HSDL2: variants seen among roughly 807,000 people sequenced by gnomAD.
HSDL2 encodes the protein hydroxysteroid dehydrogenase-like protein 2.
A neutral mutation model predicts 46.3 loss-of-function variants in HSDL2; 27 were observed. The observed-to-expected ratio is 0.58, with a 90% CI of 0.43 to 0.80. The LOEUF (loss-of-function observed/expected upper bound fraction) is 0.80. Ranked by LOEUF, HSDL2 falls within the 30% of genes least tolerant of loss-of-function variation. The pLI, the probability that HSDL2 is intolerant of heterozygous loss-of-function variation, is 0.00. For missense variants in HSDL2, 451 were observed against 502.7 expected (o/e 0.90, Z 0.98); for synonymous variants, 153 against 163.6 (o/e 0.94, Z 0.50).
At chr9:112,440,543 A>T (rs553710666) in intron 7 of HSDL2, among the ~76,000 whole-genome samples, 1 of 152,336 alleles carries the variant, frequency 6.6e-6, no homozygotes, top group African/African-American at 2.4e-5. Flanking sequence ...TAAAACAGTT[A>T]ACCTATTTGC....
At chr9:112,408,200 A>G (rs1057506758) in intron 3 of HSDL2, among the ~76,000 whole-genome samples, 2 of 152,164 alleles carry the variant, frequency 1.3e-5, no homozygotes, top group African/African-American at 4.8e-5. Context: ...GAGGGAGGAC[A>G]GGCCTTTGAA....
intron 8 of HSDL2, among the ~76,000 whole-genome samples, chr9:112,448,722 TA>T (rs1263532976): frequency 6.6e-6 from 1 of 151,556 alleles, no homozygotes; most frequent in Non-Finnish European, 1.5e-5. Context: ...TTTTTTTTTT[TA>T]TTTTTTTATT....
chr9:112,413,217 G>A (rs1564113513), intron 4 of HSDL2, among the ~76,000 whole-genome samples: 1 of 151,984 alleles, frequency 6.6e-6, no homozygotes, highest in Non-Finnish European at 1.5e-5. Flanking sequence ...GGTGGCTCAC[G>A]CCTGTAATCC....
At chr9:112,425,391 T>C (rs1383331172) in intron 6 of HSDL2, among the ~76,000 whole-genome samples, 2 of 152,190 alleles carry the variant, frequency 1.3e-5, no homozygotes. Context: ...CTTGGAACTA[T>C]TGGAGAATTA....
At chr9:112,452,813 G>A (rs1252513389) in intron 8 of HSDL2, among the ~76,000 whole-genome samples, 1 of 152,202 alleles carries the variant, frequency 6.6e-6, no homozygotes, top group Non-Finnish European at 1.5e-5. Flanking sequence ...GCAGTCCTAT[G>A]AACTGCTGTC....
At chr9:112,459,418 G>T (rs780557969) in intron 9 of HSDL2, 31 bp from the exon 10 acceptor site, 5 of 1,607,688 alleles carry the variant, frequency 3.1e-6, no homozygotes, top group Non-Finnish European at 4.3e-6. Context: ...GGGCTTCTAT[G>T]ACATTGATTT....
rs57337984 is a variant in HSDL2, at chr9:112,391,178, A to AAATAATAATAATAAT, written c.17+11008_17+11022dup. 6.8e-3 allele frequency among the ~76,000 whole-genome samples: 1,012 copies of AAATAATAATAATAAT among 149,534 alleles called. 6 individuals are homozygous for AAATAATAATAATAAT. Among genetic ancestry groups the AAATAATAATAATAAT allele is most frequent in the Middle Eastern group, 0.011 (3 of 284 alleles). ...GTGACAGAGTAAGACTCCATCTCAA[A>AAATAATAATAATAAT]AATAATAATAATAATAATAATAATT... On this transcript the variant is annotated intron_variant, in intron 1 of 10. Coordinates refer to ENST00000398805, the MANE Select transcript of HSDL2 (RefSeq NM_032303.5).
intron 4 of HSDL2, among the ~76,000 whole-genome samples, chr9:112,412,916 C>T (rs1478924851): frequency 1.3e-5 from 2 of 150,738 alleles, no homozygotes; most frequent in African/African-American, 4.9e-5. Flanking sequence ...TCAACCTGGG[C>T]AACATAGTGA....
At chr9:112,391,301 C>CG (rs941668285) in intron 1 of HSDL2, among the ~76,000 whole-genome samples, 1 of 150,794 alleles carries the variant, frequency 6.6e-6, no homozygotes, top group Non-Finnish European at 1.5e-5. Flanking sequence ...CCCTGTCCCC[C>CG]CCCAAAAAAT....
Position 112,396,898 on chromosome 9 carries a change from G to A in HSDL2, c.18-7097G>A, listed in dbSNP as rs1831469194. Among the ~76,000 whole-genome samples, 5 of 152,226 alleles carry A rather than the reference G, an allele frequency of 3.3e-5. No homozygotes were observed. The South Asian group carries it at 1.0e-3, about 32-fold the overall frequency. Reference sequence around the variant, plus strand: ...GTGTGCTGGGGGCTGTGTTGGGACCGCTTGAAGCAGAAATGCAACACTGGT... The same window carrying A: ...GTGTGCTGGGGGCTGTGTTGGGACCACTTGAAGCAGAAATGCAACACTGGT... On this transcript the variant is annotated intron_variant, in intron 1 of 10. Coordinates refer to ENST00000398805, the MANE Select transcript of HSDL2 (RefSeq NM_032303.5).
intron 1 of HSDL2, among the ~76,000 whole-genome samples, chr9:112,396,278 A>G (rs1831454802): frequency 6.6e-6 from 1 of 152,124 alleles, no homozygotes; most frequent in Admixed American, 6.6e-5. Flanking sequence ...CAGCTTTTCC[A>G]ACCCCTACTA....
intron 10 of HSDL2, among the ~76,000 whole-genome samples, chr9:112,466,270 T>C (rs1010773400): frequency 1.6e-4 from 24 of 152,166 alleles, no homozygotes; most frequent in Non-Finnish European, 3.2e-4. Flanking sequence ...TTTAAGAAAT[T>C]CTGGCCAGGC....
At chr9:112,426,893 A>G (rs1481397649) in intron 6 of HSDL2, among the ~76,000 whole-genome samples, 1 of 152,168 alleles carries the variant, frequency 6.6e-6, no homozygotes, top group Non-Finnish European at 1.5e-5. Flanking sequence ...CATATGTACA[A>G]ACATGTATAC....
intron 1 of HSDL2, among the ~76,000 whole-genome samples, chr9:112,402,903 C>T (rs566722996): frequency 5.9e-5 from 9 of 151,890 alleles, no homozygotes; most frequent in Non-Finnish European, 2.9e-5. Flanking sequence ...GAGATTGCAC[C>T]ACCGTACTCC....
intron 6 of HSDL2, among the ~76,000 whole-genome samples, chr9:112,428,020 A>G (rs577556494): frequency 6.6e-6 from 1 of 152,350 alleles, no homozygotes; most frequent in Non-Finnish European, 1.5e-5. Flanking sequence ...ACTGCCGCAT[A>G]TAGCTGTGTG....
At position 112,401,017 on chromosome 9, in the gene HSDL2, C is replaced by CGGCTCCCTG; in HGVS notation, c.18-2978_18-2977insGGCTCCCTG. On this transcript the variant is annotated intron_variant, in intron 1 of 10. Transcript: ENST00000398805. ...CACATGCTTTTTGGGGGACACAATT[C>CGGCTCCCTG]AATCAATAACAGGGAGATAAGGCCG... is the stretch of plus-strand genomic sequence containing the variant. Among the ~76,000 whole-genome samples, 3 of 152,182 alleles carry CGGCTCCCTG rather than the reference C, an allele frequency of 2.0e-5. No individual in the cohort carries two copies. In the South Asian group the frequency reaches 6.2e-4, roughly 31 times the overall value.
chr9:112,391,071 G>A (rs1297572181), intron 1 of HSDL2, among the ~76,000 whole-genome samples: 1 of 151,958 alleles, frequency 6.6e-6, no homozygotes, highest in Non-Finnish European at 1.5e-5. Flanking sequence ...AACTATTTAG[G>A]AGGCTGAGGC....
chr9:112,439,305 G>T (rs531813453), intron 7 of HSDL2, among the ~76,000 whole-genome samples: 2 of 152,222 alleles, frequency 1.3e-5, no homozygotes, highest in Admixed American at 1.3e-4. Flanking sequence ...GCACAGTAAT[G>T]AATTTTTTTG....
intron 8 of HSDL2, among the ~76,000 whole-genome samples, chr9:112,451,129 G>A (rs1832876974): frequency 6.6e-6 from 1 of 152,100 alleles, no homozygotes; most frequent in Non-Finnish European, 1.5e-5. Flanking sequence ...AGGCTGCAGT[G>A]AACCTTGACT....
Sources: gnomAD v4.1 joint callset for allele counts (sites outside exome capture counted in the v4.1 genomes callset) on GRCh38, gnomAD v4.1.1 for gene constraint, MANE v1.5 for transcripts, NCBI Gene and HGNC (gene_info 2026-07-23, HGNC 2026-07-21) for gene names.